DHX16: variants seen among roughly 807,000 people sequenced by gnomAD.
DHX16 encodes the protein DEAH-box helicase 16, also known as pre-mRNA-splicing factor ATP-dependent RNA helicase DHX16.
A neutral mutation model predicts 131.2 loss-of-function variants in DHX16; 81 were observed. The ratio of observed to expected loss-of-function variants is 0.62; its 90% CI spans 0.52 to 0.74. The LOEUF (loss-of-function observed/expected upper bound fraction) is 0.74. Ranked by LOEUF, DHX16 falls within the 30% of genes least tolerant of loss-of-function variation. The pLI, the probability that DHX16 is intolerant of heterozygous loss-of-function variation, is 0.00. For missense variants in DHX16, 980 were observed against 1,363.1 expected (o/e 0.72, Z 4.43); for synonymous variants, 440 against 520.2 (o/e 0.85, Z 2.10).
Position 30,665,349 on chromosome 6 carries a change from C to T in DHX16, c.922-75G>A, listed in dbSNP as rs893419864. Reference sequence around the variant, plus strand: ...GCCCTCTCCCCTCTTCCCATTACTACCCCCGCCCACTGCCCATTGGGAACG... The same window carrying T: ...GCCCTCTCCCCTCTTCCCATTACTATCCCCGCCCACTGCCCATTGGGAACG... On this transcript the variant is annotated intron_variant, in intron 5 of 19. Transcript: ENST00000376442. This position sits in a 1 kb window ranked among gnomAD's most constrained non-coding sequence, Gnocchi z 4.8. The T allele has an allele frequency of 3.8e-6, 6 of 1,587,010 alleles. No individual in the cohort carries two copies. The highest frequency in any genetic ancestry group is 1.9e-4 in the Middle Eastern group (1 of 5,160).
chr6:30,661,804 T>G (rs1054162032), intron 9 of DHX16: 3 of 717,884 alleles, frequency 4.2e-6, no homozygotes, highest in Admixed American at 2.0e-5. Context: ...GCAGGCTGGC[T>G]CGATGGGCAA....
chr6:30,670,284 C>G lies in DHX16; in HGVS notation c.666+126G>C, dbSNP rs116025433. On this transcript the variant is annotated intron_variant, in intron 4 of 19. Coordinates refer to ENST00000376442, the MANE Select transcript of DHX16 (RefSeq NM_003587.5). This position sits in a 1 kb window ranked among gnomAD's most constrained non-coding sequence, Gnocchi z 4.4. ...GGCTCCTAACAACCAAGCCCCTCTT[C>G]TAGAAACCTGACCACCCCATCAGCA... 1,854 of 916,964 alleles carry G rather than the reference C, an allele frequency of 2.0e-3. 20 individuals are homozygous for G. In the African/African-American group the frequency reaches 0.025, roughly 12 times the overall value. The allele number at this position is 916,964 out of a possible 1,614,324, so 56.8% of individuals were successfully genotyped here. A position where few individuals can be genotyped will look rare whatever the true frequency, so the allele number is the denominator to read the frequency against.
chr6:30,654,576 G>A, intron 19 of DHX16, 130 bp downstream of exon 19: 2 of 903,822 alleles, frequency 2.2e-6, no homozygotes, highest in South Asian at 2.1e-5. Context: ...AACAAAGGAT[G>A]TCTTTCTATT....
Position 30,671,254 on chromosome 6 carries a change from T to C in DHX16, c.228A>G (p.Val76=). 6.2e-7 allele frequency: 1 copy of C among 1,613,012 alleles called. No homozygotes were observed. Among genetic ancestry groups the C allele is most frequent in the Non-Finnish European group, 8.5e-7 (1 of 1,180,016 alleles). Residue 76 remains valine, a synonymous_variant, in exon 2 of 20, where the codon GTA becomes GTG. Coordinates refer to ENST00000376442, the MANE Select transcript of DHX16 (RefSeq NM_003587.5). ...LWNKVPRKAV[V]EKPARAAERE... is the part of the protein sequence containing the mutation. ...GCTCTGCTGCCCGAGCTGGCTTTTC[T>C]ACCACTGCCTTTCGTGGTACCTGTC...
At chr6:30,655,061 C>A in intron 18 of DHX16, 114 bp downstream of exon 18, 1 of 1,480,284 alleles carries the variant, frequency 6.8e-7, no homozygotes, top group Non-Finnish European at 9.3e-7. Context: ...ACACGTCATA[C>A]ACAAGGGGAA....
rs2127589998 is a variant in DHX16, at chr6:30,665,113, C to G, written c.1083G>C (p.Glu361Asp). The stretch of plus-strand genomic sequence containing the variant: ...GAGTGGCCCGGACAAACTCAATGGT[C>G]TCCTCCTCCTCCAGCACCAGTTGAT... ...PKYQLVLEEE[E>D]TIEFVRATQL... The change falls in exon 6 of 20, where the codon GAG (glutamate) becomes GAC (aspartate). Residue 361 changes from glutamate to aspartate, a missense_variant. By Grantham distance (45) the Glu-to-Asp change is conservative. Transcript: ENST00000376442. This position sits in a 1 kb window ranked among gnomAD's most constrained non-coding sequence, Gnocchi z 4.8. 6.2e-7 allele frequency: 1 copy of G among 1,613,720 alleles called. No homozygotes were observed. The highest frequency in any genetic ancestry group is 2.2e-5 in the East Asian group (1 of 44,882).
intron 7 of DHX16, among the ~76,000 whole-genome samples, chr6:30,664,508 C>T (rs1768826187): frequency 6.6e-6 from 1 of 150,408 alleles, no homozygotes; most frequent in Non-Finnish European, 1.5e-5. Context: ...AACAAAAAGG[C>T]AGGAAAATAG....
intron 1 of DHX16, among the ~76,000 whole-genome samples, chr6:30,672,139 T>A (rs1382868566): frequency 6.6e-6 from 1 of 151,146 alleles, no homozygotes; most frequent in Non-Finnish European, 1.5e-5. Flanking sequence ...CAAGGCCTCA[T>A]CTCTAAAAAT....
chr6:30,665,064 C>T lies in DHX16; in HGVS notation c.1125+7G>A, dbSNP rs1464135140. 1 of 1,614,024 alleles carries T rather than the reference C, an allele frequency of 6.2e-7. No homozygotes were observed. The highest frequency in any genetic ancestry group is 1.1e-5 in the South Asian group (1 of 91,046). ...TTCCTCAGAAAGTCTCCCAGCTCCC[C>T]TCTTACCTCATCACCCTGGAGCTGA... On this transcript the variant is annotated splice_region_variant and intron_variant, in intron 6 of 19. Coordinates refer to ENST00000376442, the MANE Select transcript of DHX16 (RefSeq NM_003587.5). This position sits in a 1 kb window ranked among gnomAD's most constrained non-coding sequence, Gnocchi z 4.8.
intron 11 of DHX16, 30 bp from the exon 12 acceptor site, chr6:30,659,654 G>C: frequency 6.2e-7 from 1 of 1,613,594 alleles, no homozygotes; most frequent in Non-Finnish European, 8.5e-7. Context: ...AGCAGCAGGG[G>C]TCCCAGAGTC....
At position 30,671,036 on chromosome 6, in the gene DHX16, CCT is replaced by C. The variant is rs770309413; in HGVS notation, c.444_445del (p.Gly150GlufsTer2). The stretch of plus-strand genomic sequence containing the variant: ...CTCTCTCACCCTGCTTCTGACTTAC[CCT>C]GTTTTCTTCTTCCCTTTCTCAGAAG... On this transcript the variant is annotated frameshift_variant and splice_region_variant, in exon 2 of 20. Transcript: ENST00000376442. LOFTEE classifies it high-confidence loss of function. 3 of 1,613,000 alleles carry C rather than the reference CCT, an allele frequency of 1.9e-6. No homozygotes were observed. Among genetic ancestry groups the C allele is most frequent in the African/African-American group, 2.7e-5 (2 of 74,982 alleles).
Position 30,670,421 on chromosome 6 carries a change from G to A in DHX16, c.655C>T (p.Arg219Trp), listed in dbSNP as rs749395052. ...GCCCTGGGACTCACCATGGCCTTCC[G>A]GTCTTCCTCGGCCATCTTGAGGCGC... ...QKRLKMAEED[R>W]KAMVPELRKK... The change falls in exon 4 of 20, where the codon CGG becomes TGG. Residue 219 changes from arginine to tryptophan, a missense_variant. By Grantham distance (101) the Arg-to-Trp change is moderately radical. Around this residue, in one of 3 missense-constraint regions of DHX16, gnomAD observed 457 missense variants for 554.8 expected, o/e 0.82. Transcript: ENST00000376442. This position sits in a 1 kb window ranked among gnomAD's most constrained non-coding sequence, Gnocchi z 4.4. 40 of 1,610,410 alleles carry A rather than the reference G, an allele frequency of 2.5e-5. 1 individual carries two copies. In the South Asian group the frequency reaches 2.8e-4, roughly 11 times the overall value.
At chr6:30,660,832 A>G (rs1211220472) in intron 9 of DHX16, among the ~76,000 whole-genome samples, 2 of 151,844 alleles carry the variant, frequency 1.3e-5, no homozygotes, top group African/African-American at 4.8e-5. Flanking sequence ...CAGTGAGCCA[A>G]GATCGTGCCA....
intron 7 of DHX16, among the ~76,000 whole-genome samples, chr6:30,663,714 C>G (rs1358750941): frequency 8.4e-6 from 1 of 119,608 alleles, no homozygotes; most frequent in Non-Finnish European, 1.7e-5. Flanking sequence ...GAGCAAGACT[C>G]TGTCTCAAAA....
chr6:30,653,412 C>T, intron 19 of DHX16, 42 bp from the exon 20 acceptor site: 1 of 1,556,588 alleles, frequency 6.4e-7, no homozygotes, highest in Non-Finnish European at 8.6e-7. Flanking sequence ...TTCTTTCCAA[C>T]ATAGATCTTT....
rs111943853 is a variant in DHX16, at chr6:30,668,282, T to A, written c.666+2128A>T. 2.8e-3 allele frequency among the ~76,000 whole-genome samples: 422 copies of A among 152,322 alleles called. 3 individuals are homozygous for A. The highest frequency in any genetic ancestry group is 9.1e-3 in the African/African-American group (378 of 41,588). ...CCATAGTATTAACCATTTTTCAATC[T>A]GAATAGTGTCTATGAGTGTTCTTTG... On this transcript the variant is annotated intron_variant, in intron 4 of 19. Transcript: ENST00000376442.
In DHX16 at chr6:30,664,949, T is replaced by A. The variant is rs746046397; in HGVS notation, c.1169A>T (p.Glu390Val). ...GCTGCGGCGGACGGCCTGGATGGAC[T>A]CTTTCTGCTGGGCCTGAGTTGAAGT... The part of the protein sequence containing the change: ...PPTSTQAQQK[E>V]SIQAVRRSLP... Residue 390 changes from glutamate (E) to valine (V), a missense_variant, in exon 7 of 20, where the codon GAG becomes GTG. Coordinates refer to ENST00000376442, the MANE Select transcript of DHX16 (RefSeq NM_003587.5). 2.5e-6 allele frequency: 4 copies of A among 1,613,864 alleles called. No individual in the cohort carries two copies. The East Asian group carries it at 8.9e-5, about 36-fold the overall frequency.
At chr6:30,661,351 G>A (rs1241888790) in intron 9 of DHX16, among the ~76,000 whole-genome samples, 1 of 152,142 alleles carries the variant, frequency 6.6e-6, no homozygotes, top group Non-Finnish European at 1.5e-5. Flanking sequence ...CCAAAGTGCT[G>A]GGATTACAGG....
At position 30,662,734 on chromosome 6, in the gene DHX16, G is replaced by A; in HGVS notation, c.1437C>T (p.Tyr479=). The A allele has an allele frequency of 6.2e-7, 1 of 1,612,818 alleles. No individual in the cohort carries two copies. The highest frequency in any genetic ancestry group is 8.5e-7 in the Non-Finnish European group (1 of 1,179,972). Reference sequence around the variant, plus strand: ...ATGTGCAGTCCTCAAAGCGGATGCTGTAGCCAACCTGGTCAAGGGAACCAT... The same window carrying A: ...ATGTGCAGTCCTCAAAGCGGATGCTATAGCCAACCTGGTCAAGGGAACCAT... The part of the protein sequence containing the change: ...MGVKLGNEVG[Y]SIRFEDCTSE... Residue 479 remains tyrosine, a synonymous_variant, in exon 9 of 20, where the codon TAC becomes TAT. Coordinates refer to ENST00000376442, the MANE Select transcript of DHX16 (RefSeq NM_003587.5). This position sits in a 1 kb window ranked among gnomAD's most constrained non-coding sequence, Gnocchi z 4.7.
Sources: gnomAD v4.1 joint callset for allele counts (sites outside exome capture counted in the v4.1 genomes callset) on GRCh38, gnomAD v4.1.1 for gene constraint, gnomAD v4.1.1 regional missense constraint, Gnocchi (gnomAD v3.1) non-coding constraint, MANE v1.5 for transcripts, NCBI Gene and HGNC (gene_info 2026-07-23, HGNC 2026-07-21) for gene names.